Variants in MRPS23 observed in about 807,000 individuals in gnomAD.
MRPS23 encodes mitochondrial ribosomal protein S23, also known as small ribosomal subunit protein mS23.
Under a neutral mutation model 19.8 loss-of-function variants are expected in MRPS23, and 14 were observed. That is an observed-to-expected ratio of 0.71 (90% CI 0.47 to 1.11). MRPS23 has a LOEUF of 1.11. Ranked by LOEUF, MRPS23 falls within the 50% of genes least tolerant of loss-of-function variation. The pLI is 0.00. For missense variants in MRPS23, 242 were observed against 236.7 expected (o/e 1.02, Z -0.15); for synonymous variants, 113 against 89.7 (o/e 1.26, Z -1.47).
chr17:57,849,930 G>A (rs1403803004), intron 1 of MRPS23, 37 bp downstream of exon 1: 2 of 1,575,092 alleles, frequency 1.3e-6, no homozygotes, highest in Admixed American at 1.8e-5. Flanking sequence ...CAGCCTGGGG[G>A]AGGCACCCTC....
chr17:57,836,852 T>A lies in MRPS23; in HGVS notation c.*2931A>T, dbSNP rs1237696771. On this transcript the variant is annotated 3_prime_UTR_variant, in exon 5 of 5. Coordinates refer to ENST00000313608, the MANE Select transcript of MRPS23 (RefSeq NM_016070.4). Reference sequence around the variant, plus strand: ...CCCGCACGCCCAGCTAATTTTTTTGTATTTTTAGTAAAGATGGGGTTTCAC... The same window carrying A: ...CCCGCACGCCCAGCTAATTTTTTTGAATTTTTAGTAAAGATGGGGTTTCAC... The A allele has an allele frequency of 1.3e-5, 2 of 152,146 alleles. No individual in the cohort carries two copies. Among genetic ancestry groups the A allele is most frequent in the Admixed American group, 1.3e-4 (2 of 15,268 alleles). The allele number at this position is 152,146 out of a possible 1,614,324, so 9.4% of individuals were successfully genotyped here.
chr17:57,849,860 G>A (rs955416173), intron 1 of MRPS23, 107 bp downstream of exon 1: 4 of 1,356,870 alleles, frequency 2.9e-6, no homozygotes, highest in Non-Finnish European at 3.0e-6. Flanking sequence ...CCCGCACCCT[G>A]CAATACGCCT....
At chr17:57,843,936 C>G (rs561833261) in intron 2 of MRPS23, among the ~76,000 whole-genome samples, 1 of 152,240 alleles carries the variant, frequency 6.6e-6, no homozygotes, top group African/African-American at 2.4e-5. Flanking sequence ...CTTTTTTATA[C>G]AGAAAATTTT....
intron 2 of MRPS23, among the ~76,000 whole-genome samples, chr17:57,844,127 CTTT>C (rs375774006): frequency 3.6e-5 from 5 of 137,286 alleles, no homozygotes; most frequent in Admixed American, 1.5e-4. Flanking sequence ...GTTCCTTTTT[CTTT>C]TTTTTTTTTT....
At chr17:57,844,920 C>T (rs1483435175) in intron 2 of MRPS23, among the ~76,000 whole-genome samples, 6 of 151,694 alleles carry the variant, frequency 4.0e-5, no homozygotes, top group Admixed American at 2.6e-4. Context: ...ATTTTTGAGT[C>T]GGAGTCTCAC....
chr17:57,846,723 C>G (rs1445590707), intron 2 of MRPS23, among the ~76,000 whole-genome samples: 1 of 151,928 alleles, frequency 6.6e-6, no homozygotes, highest in African/African-American at 2.4e-5. Context: ...GCAGCATGCT[C>G]GTTAAGAGTC....
At chr17:57,847,756 G>A (rs905694906) in intron 2 of MRPS23, among the ~76,000 whole-genome samples, 2 of 150,748 alleles carry the variant, frequency 1.3e-5, no homozygotes, top group Non-Finnish European at 3.0e-5. Flanking sequence ...GAGTGCAGTG[G>A]TGCACTCTCA....
chr17:57,846,137 G>A (rs1033101281), intron 2 of MRPS23, among the ~76,000 whole-genome samples: 8 of 147,338 alleles, frequency 5.4e-5, no homozygotes, highest in African/African-American at 1.2e-4. Context: ...CACCCAGCCA[G>A]CCGCCCCGTC....
intron 3 of MRPS23, 53 bp from the exon 4 acceptor site, chr17:57,841,105 GCTGTTACACAA>G: frequency 6.2e-7 from 1 of 1,610,570 alleles, no homozygotes; most frequent in Non-Finnish European, 8.5e-7. Flanking sequence ...TTGTTAAGAC[GCTGTTACACAA>G]TATCAAATGG....
chr17:57,841,285 T>C, intron 2 of MRPS23, 25 bp from the exon 3 acceptor site: 1 of 1,598,374 alleles, frequency 6.3e-7, no homozygotes, highest in Non-Finnish European at 8.6e-7. Context: ...CAACATAATA[T>C]AAATCTCCGA....
At position 57,850,006 on chromosome 17, in the gene MRPS23, G is replaced by C. The variant is rs764112164; in HGVS notation, c.5C>G (p.Ala2Gly). Residue 2 changes from alanine to glycine, a missense_variant, in exon 1 of 5, where the codon GCA (alanine) becomes GGA (glycine). By Grantham distance (60) the Ala-to-Gly change is moderately conservative (BLOSUM62 0). Transcript: ENST00000313608. Reference protein sequence around the residue: MAGSRLETVGSI... With the variant: MGGSRLETVGSI... ...CCCTACGGTTTCCAGCCGGCTGCCT[G>C]CCATGATCTGCGCCTGGTACCGAGC... The C allele has an allele frequency of 3.8e-6, 6 of 1,592,780 alleles. No individual in the cohort carries two copies. Among genetic ancestry groups the C allele is most frequent in the East Asian group, 2.3e-5 (1 of 43,654 alleles).
At chr17:57,849,152 A>G (rs1597954977) in intron 2 of MRPS23, 88 bp downstream of exon 2, 5 of 1,528,064 alleles carry the variant, frequency 3.3e-6, no homozygotes, top group East Asian at 4.6e-5. Context: ...CCCTGACTCA[A>G]TTTCATGTTT....
chr17:57,840,070 T>TTTGTTATAGTAG, intron 4 of MRPS23, 135 bp from the exon 5 acceptor site: 2 of 1,025,408 alleles, frequency 2.0e-6, no homozygotes, highest in Non-Finnish European at 2.8e-6. Flanking sequence ...AATTCTACTA[T>TTTGTTATAGTAG]AACAAATAGT....
At chr17:57,849,112 G>T in intron 2 of MRPS23, 128 bp downstream of exon 2, 1 of 1,164,224 alleles carries the variant, frequency 8.6e-7, no homozygotes. Flanking sequence ...TCCCTAATTT[G>T]GCTAGATAAG....
chr17:57,839,999 G>A (rs1428982683), intron 4 of MRPS23, 64 bp from the exon 5 acceptor site: 1 of 1,580,764 alleles, frequency 6.3e-7, no homozygotes, highest in Non-Finnish European at 8.7e-7. Context: ...ATTCGCTAAA[G>A]ATATATAACT....
intron 2 of MRPS23, among the ~76,000 whole-genome samples, chr17:57,842,004 A>G (rs1260528495): frequency 1.3e-5 from 2 of 148,318 alleles, no homozygotes; most frequent in African/African-American, 4.9e-5. Context: ...GTCACACATC[A>G]TAAAATTAAC....
chr17:57,843,575 A>G (rs1479413217), intron 2 of MRPS23, among the ~76,000 whole-genome samples: 1 of 152,170 alleles, frequency 6.6e-6, no homozygotes, highest in Non-Finnish European at 1.5e-5. Flanking sequence ...GGAGGTAATC[A>G]GGTCATGGTA....
At chr17:57,842,515 T>C (rs141366999) in intron 2 of MRPS23, among the ~76,000 whole-genome samples, 1 of 152,326 alleles carries the variant, frequency 6.6e-6, no homozygotes, top group African/African-American at 2.4e-5. Context: ...TTTACTACTC[T>C]AAACCATGCT....
At chr17:57,845,131 C>G (rs1350531380) in intron 2 of MRPS23, among the ~76,000 whole-genome samples, 1 of 152,156 alleles carries the variant, frequency 6.6e-6, no homozygotes, top group Non-Finnish European at 1.5e-5. Flanking sequence ...CTCCTGACCT[C>G]AAGTGATCCA....
Sources: allele counts gnomAD v4.1 joint callset (sites outside exome capture counted in the v4.1 genomes callset), GRCh38; gene constraint gnomAD v4.1.1; transcripts MANE v1.5; gene names NCBI Gene and HGNC (gene_info 2026-07-23, HGNC 2026-07-21).